Variants in SEMA5A observed in about 807,000 individuals in gnomAD.
SEMA5A encodes semaphorin-5A.
SEMA5A carries 55 observed loss-of-function variants against 135.5 expected under a neutral mutation model. The ratio of observed to expected loss-of-function variants is 0.41; its 90% CI spans 0.33 to 0.51. SEMA5A has a LOEUF of 0.51. SEMA5A is among the 20% of genes least tolerant of loss of function. SEMA5A has a pLI of 0.37. For synonymous variants in SEMA5A, 580 were observed against 546.5 expected (o/e 1.06, Z -0.85); for missense variants, 1,290 against 1,419.9 (o/e 0.91, Z 1.47).
At chr5:9,059,746 T>C (rs1312138060) in intron 18 of SEMA5A, among the ~76,000 whole-genome samples, 2 of 152,074 alleles carry the variant, frequency 1.3e-5, no homozygotes, top group Non-Finnish European at 2.9e-5. Context: ...AATAAGTTTT[T>C]ACCATGTTGG....
In SEMA5A at chr5:9,509,216, G is replaced by A. The variant is rs189638189; in HGVS notation, c.-175+36368C>T. Among the ~76,000 whole-genome samples, 25 of 151,990 alleles carry A rather than the reference G, an allele frequency of 1.6e-4. 1 individual carries two copies. The highest frequency in any genetic ancestry group is 1.5e-3 in the South Asian group (7 of 4,798). On this transcript the variant is annotated intron_variant, in intron 1 of 22. Coordinates refer to ENST00000382496, the MANE Select transcript of SEMA5A (RefSeq NM_003966.3). ...CACTTTTACATTTCTTCTATGGTCC[G>A]CTAAGTACCCATTGCCTGACACTTA...
intron 2 of SEMA5A, among the ~76,000 whole-genome samples, chr5:9,381,942 TTGTGTG>T (rs148157627): frequency 4.2e-3 from 460 of 109,380 alleles, no homozygotes; most frequent in African/African-American, 7.6e-3. Flanking sequence ...TAGAATCATT[TTGTGTG>T]TGTGTGTGTG....
intron 1 of SEMA5A, among the ~76,000 whole-genome samples, chr5:9,540,906 G>A (rs548734029): frequency 6.6e-6 from 1 of 152,232 alleles, no homozygotes; most frequent in East Asian, 1.9e-4. Flanking sequence ...AATTTTATTT[G>A]AAGTCACTTT....
At chr5:9,265,446 G>GT in intron 5 of SEMA5A, 1 of 456,226 alleles carries the variant, frequency 2.2e-6, no homozygotes, top group South Asian at 1.5e-5. Flanking sequence ...TCCTTCCACT[G>GT]TAAGGCCTGC....
chr5:9,417,008 C>T (rs1353117695), intron 2 of SEMA5A, among the ~76,000 whole-genome samples: 2 of 152,256 alleles, frequency 1.3e-5, no homozygotes, highest in Non-Finnish European at 2.9e-5. Context: ...TCTCTTACCA[C>T]TGAAATGTTT....
intron 1 of SEMA5A, chr5:9,522,763 T>C (rs1389815709): frequency 1.3e-5 from 2 of 152,198 alleles, no homozygotes; most frequent in Non-Finnish European, 2.9e-5. Flanking sequence ...AAATTTGGTC[T>C]CCAATGACAA....
chr5:9,130,005 A>G (rs1348943380), intron 13 of SEMA5A, among the ~76,000 whole-genome samples: 1 of 152,190 alleles, frequency 6.6e-6, no homozygotes, highest in Admixed American at 6.5e-5. Flanking sequence ...TCTCAAAGAA[A>G]TTAGCTTCAA....
At chr5:9,274,318 G>A (rs995253810) in intron 5 of SEMA5A, among the ~76,000 whole-genome samples, 1 of 152,088 alleles carries the variant, frequency 6.6e-6, no homozygotes, top group South Asian at 2.1e-4. Flanking sequence ...TGCAATACAG[G>A]AGCACCCAGA....
At chr5:9,165,588 T>C (rs1442211535) in intron 11 of SEMA5A, among the ~76,000 whole-genome samples, 1 of 152,182 alleles carries the variant, frequency 6.6e-6, no homozygotes, top group South Asian at 2.1e-4. Flanking sequence ...GAAGCTAAAT[T>C]AGTTTATTTC....
chr5:9,531,026 G>A (rs1056371712), intron 1 of SEMA5A, among the ~76,000 whole-genome samples: 1 of 152,218 alleles, frequency 6.6e-6, no homozygotes, highest in African/African-American at 2.4e-5. Flanking sequence ...TATCCTGACT[G>A]CAAAGTGTTT....
intron 5 of SEMA5A, among the ~76,000 whole-genome samples, chr5:9,313,293 G>T (rs1449533999): frequency 6.6e-6 from 1 of 152,166 alleles, no homozygotes; most frequent in Non-Finnish European, 1.5e-5. Context: ...GTCAGGAGTT[G>T]CCTGTCTCAT....
chr5:9,294,936 T>G (rs1051880524), intron 5 of SEMA5A, among the ~76,000 whole-genome samples: 9 of 152,194 alleles, frequency 5.9e-5, no homozygotes, highest in South Asian at 4.1e-4. Flanking sequence ...AGTCCCACTG[T>G]AATCCTCACC....
In SEMA5A at chr5:9,123,576, G is replaced by A. The variant is rs143918972; in HGVS notation, c.1600-739C>T. Among the ~76,000 whole-genome samples the A allele has an allele frequency of 2.0e-5, 3 of 152,208 alleles. No homozygotes were observed. The East Asian group carries it at 5.8e-4, about 29-fold the overall frequency. Reference sequence around the variant, plus strand: ...TATGGACAAATTGTCCACTAATTTGGAAAATCCAAAACTAAGAGGAACTGG... The same window carrying A: ...TATGGACAAATTGTCCACTAATTTGAAAAATCCAAAACTAAGAGGAACTGG... On this transcript the variant is annotated intron_variant, in intron 13 of 22. Transcript: ENST00000382496.
At chr5:9,223,393 T>A (rs1197733906) in intron 8 of SEMA5A, among the ~76,000 whole-genome samples, 1 of 152,230 alleles carries the variant, frequency 6.6e-6, no homozygotes, top group Non-Finnish European at 1.5e-5. Flanking sequence ...TCTAAAGCAG[T>A]GGTTCTCAAC....
intron 4 of SEMA5A, among the ~76,000 whole-genome samples, chr5:9,322,648 T>C (rs1301805390): frequency 1.3e-5 from 2 of 152,150 alleles, no homozygotes; most frequent in Admixed American, 1.3e-4. Context: ...CTTCAATTTA[T>C]AGATGAGAAA....
chr5:9,277,686 A>G (rs1421036882), intron 5 of SEMA5A, among the ~76,000 whole-genome samples: 1 of 152,174 alleles, frequency 6.6e-6, no homozygotes, highest in East Asian at 1.9e-4. Flanking sequence ...GATGCTGGAA[A>G]CCATCATTCT....
intron 4 of SEMA5A, among the ~76,000 whole-genome samples, chr5:9,331,067 G>T (rs1753110877): frequency 6.6e-6 from 1 of 152,102 alleles, no homozygotes; most frequent in Non-Finnish European, 1.5e-5. Flanking sequence ...CCCTTTAATT[G>T]TGTCAACTTG....
chr5:9,389,910 C>A (rs185935958), intron 2 of SEMA5A, among the ~76,000 whole-genome samples: 112 of 152,280 alleles, frequency 7.4e-4, no homozygotes, highest in Non-Finnish European at 6.2e-4. Flanking sequence ...TAAAACAAGG[C>A]TGTTAAAAAC....
chr5:9,144,966 G>A (rs1742255161), intron 12 of SEMA5A, among the ~76,000 whole-genome samples: 1 of 152,118 alleles, frequency 6.6e-6, no homozygotes, highest in Non-Finnish European at 1.5e-5. Context: ...CGGAGACCAT[G>A]AGAAGTATAT....
Sources: gnomAD v4.1 joint callset for allele counts (sites outside exome capture counted in the v4.1 genomes callset) on GRCh38, gnomAD v4.1.1 for gene constraint, MANE v1.5 for transcripts, NCBI Gene and HGNC (gene_info 2026-07-23, HGNC 2026-07-21) for gene names.